Variants in NMRAL1 observed in about 807,000 individuals in gnomAD.
NMRAL1 encodes the protein NmrA like redox sensor 1, also known as nmrA-like family domain-containing protein 1.
NMRAL1 carries 32 observed loss-of-function variants against 27.5 expected under a neutral mutation model. The ratio of observed to expected loss-of-function variants is 1.16; its 90% CI spans 0.88 to 1.56. NMRAL1 has a LOEUF of 1.56. Ranked by LOEUF, NMRAL1 falls within the 40% of genes most tolerant of loss-of-function variation. The pLI is 0.00. For synonymous variants in NMRAL1, 166 were observed against 166.8 expected, an observed-to-expected ratio of 1.00 and a Z score of 0.04; for missense variants, 420 against 392.0, an observed-to-expected ratio of 1.07 and a Z score of -0.60.
chr16:4,473,895 C>T (rs947138099), intron 2 of NMRAL1, among the ~76,000 whole-genome samples, 198 bp downstream of exon 2: 2 of 151,848 alleles, frequency 1.3e-5, no homozygotes, highest in African/African-American at 4.8e-5. Context: ...CATCGCACTG[C>T]AGCCTGGGTG....
At chr16:4,463,973 G>A in intron 4 of NMRAL1, 123 bp from the exon 5 acceptor site, 2 of 680,122 alleles carry the variant, frequency 2.9e-6, no homozygotes, top group Non-Finnish European at 2.5e-6. Context: ...CAGCACTCGG[G>A]CATAGCTAAG....
intron 3 of NMRAL1, among the ~76,000 whole-genome samples, chr16:4,468,669 G>A (rs2057425087): frequency 6.6e-6 from 1 of 151,610 alleles, no homozygotes; most frequent in African/African-American, 2.4e-5. Flanking sequence ...GTCTTTGTCT[G>A]CTCTATATAA....
chr16:4,465,755 T>C (rs558359739), intron 4 of NMRAL1, among the ~76,000 whole-genome samples: 2 of 151,954 alleles, frequency 1.3e-5, no homozygotes, highest in Admixed American at 1.3e-4. Flanking sequence ...TTAGTAGAGA[T>C]GGGGTTTCAC....
chr16:4,469,727 T>C, intron 2 of NMRAL1: 1 of 583,038 alleles, frequency 1.7e-6, no homozygotes, highest in Non-Finnish European at 2.9e-6. Context: ...ATTAGCTGGG[T>C]GTGAAGGCAC....
chr16:4,470,581 A>C (rs993429816), intron 2 of NMRAL1, among the ~76,000 whole-genome samples: 2 of 152,172 alleles, frequency 1.3e-5, no homozygotes, highest in African/African-American at 4.8e-5. Context: ...TGGGAGGCTG[A>C]GACAGGTGGA....
At chr16:4,465,741 AT>A (rs2057297419) in intron 4 of NMRAL1, among the ~76,000 whole-genome samples, 2 of 151,658 alleles carry the variant, frequency 1.3e-5, no homozygotes, top group Non-Finnish European at 2.9e-5. Flanking sequence ...TAATTTTTGT[AT>A]TTTTAGTAGA....
rs532474811 is a variant in NMRAL1 at position 4,473,812 on chromosome 16, G to T, written c.40+281C>A. Among the ~76,000 whole-genome samples the T allele has an allele frequency of 3.3e-5, 5 of 152,152 alleles. No individual in the cohort carries two copies. In the East Asian group the frequency reaches 7.7e-4, roughly 24 times the overall value. On this transcript the variant is annotated intron_variant, in intron 2 of 5. Coordinates refer to ENST00000283429, the MANE Select transcript of NMRAL1 (RefSeq NM_020677.6). ...GTGGTGGCATGCCCTTGTAATCCCA[G>T]CTACTCGGGAGGCTGAGACAGGAGA...
intron 2 of NMRAL1, among the ~76,000 whole-genome samples, chr16:4,470,159 C>A (rs2141452373): frequency 1.2e-5 from 1 of 83,748 alleles, no homozygotes; most frequent in Non-Finnish European, 2.1e-5. Context: ...GAGATTCCCT[C>A]TCAAAAAAAA....
rs142221148 is a variant in NMRAL1 at position 4,474,095 on chromosome 16, G to A, written c.38C>T (p.Thr13Ile). 5.6e-6 allele frequency: 9 copies of A among 1,611,832 alleles called. No individual in the cohort carries two copies. The African/African-American group carries it at 1.1e-4, about 19-fold the overall frequency. ...DKKLVVVFGG[T>I]GAQGGSVART... Reference sequence around the variant, plus strand: ...CCCCAGTCTGGGGTTTGGCTCACCTGTGCCTCCGAAAACCACCACCAGTTT... The same window carrying A: ...CCCCAGTCTGGGGTTTGGCTCACCTATGCCTCCGAAAACCACCACCAGTTT... Residue 13 changes from threonine (T) to isoleucine (I), a missense_variant and splice_region_variant, in exon 2 of 6, where the codon ACA becomes ATA. Coordinates refer to ENST00000283429, the MANE Select transcript of NMRAL1 (RefSeq NM_020677.6).
chr16:4,476,273 A>C (rs1434576575), upstream of NMRAL1: 1 of 152,300 alleles, frequency 6.6e-6, no homozygotes, highest in African/African-American at 2.4e-5. Flanking sequence ...ACCTCCAGAG[A>C]CCTGGGGAAA....
chr16:4,471,153 C>A (rs149900182), intron 2 of NMRAL1, among the ~76,000 whole-genome samples: 1 of 152,166 alleles, frequency 6.6e-6, no homozygotes, highest in East Asian at 1.9e-4. Context: ...GATTTGAATT[C>A]TTCCTGAAGT....
rs1555491989 is a variant in NMRAL1 at position 4,469,277 on chromosome 16, T to C, written c.229A>G (p.Ile77Val). Residue 77 changes from isoleucine (I) to valine (V), a missense_variant, in exon 3 of 6, where the codon ATC (isoleucine) becomes GTC (valine). Coordinates refer to ENST00000283429, the MANE Select transcript of NMRAL1 (RefSeq NM_020677.6). ...LALNGAYATF[I>V]VTNYWESCSQ... is the part of the protein sequence containing the mutation. ...CAGCTCTCCCAGTAATTGGTCACGATGAAGGTGGCGTAAGCCCCATTCAGG... is the reference window on the plus strand; with the variant it reads ...CAGCTCTCCCAGTAATTGGTCACGACGAAGGTGGCGTAAGCCCCATTCAGG... The C allele has an allele frequency of 6.2e-7, 1 of 1,614,184 alleles. No individual in the cohort carries two copies. The highest frequency in any genetic ancestry group is 1.1e-5 in the South Asian group (1 of 91,092).
Position 4,461,827 on chromosome 16 carries a change from G to T in NMRAL1, c.853C>A (p.Leu285Met), listed in dbSNP as rs763400756. The part of the protein sequence containing the change: ...TLRLNPKALT[L>M]DQWLEQHKGD... ...TTGTGCTGTTCCAGCCACTGGTCCA[G>T]CGTCAGGGCCTTGGGGTTGAGTCTC... Residue 285 changes from leucine to methionine, a missense_variant, in exon 6 of 6, where the codon CTG becomes ATG. Leu to Met is a conservative substitution (Grantham distance 15, BLOSUM62 2). Coordinates refer to ENST00000283429, the MANE Select transcript of NMRAL1 (RefSeq NM_020677.6). 6.2e-7 allele frequency: 1 copy of T among 1,614,220 alleles called. No homozygotes were observed. Among genetic ancestry groups the T allele is most frequent in the Non-Finnish European group, 8.5e-7 (1 of 1,180,038 alleles).
At chr16:4,467,866 C>T (rs1052776035) in intron 3 of NMRAL1, among the ~76,000 whole-genome samples, 56 of 151,926 alleles carry the variant, frequency 3.7e-4, no homozygotes, top group African/African-American at 1.2e-3. Context: ...GTGATCTGCC[C>T]GCCTCGGCCT....
At chr16:4,474,841 T>C (rs2057770186), upstream of NMRAL1, 1 of 152,256 alleles carries the variant, frequency 6.6e-6, no homozygotes, top group Non-Finnish European at 1.5e-5. Context: ...AACATCTTAA[T>C]TTTCAGGTAT....
At chr16:4,472,683 G>A (rs2057614217) in intron 2 of NMRAL1, among the ~76,000 whole-genome samples, 1 of 151,084 alleles carries the variant, frequency 6.6e-6, no homozygotes, top group African/African-American at 2.4e-5. Context: ...GGCAGAAGTT[G>A]CAGTGAGCAG....
At chr16:4,475,357 T>TAA (rs1256310146), upstream of NMRAL1, among the ~76,000 whole-genome samples, 5,195 of 151,740 alleles carry the variant, frequency 0.034, 302 homozygotes, top group African/African-American at 0.12. Context: ...CAGGCTGGAG[T>TAA]GCAGTGGTGG....
Position 4,463,568 on chromosome 16 carries a change from C to T in NMRAL1, c.720+92G>A, listed in dbSNP as rs561541532. 1.5e-4 allele frequency: 156 copies of T among 1,062,742 alleles called. No individual in the cohort carries two copies. The African/African-American group carries it at 2.3e-3, about 15-fold the overall frequency. The allele number at this position is 1,062,742 out of a possible 1,614,324, so 65.8% of individuals were successfully genotyped here. ...GAACGAATGAATTTAGATGTACTGC[C>T]CAGAGGTGTGGGCAGCCCTGGACAC... On this transcript the variant is annotated intron_variant, in intron 5 of 5. Coordinates refer to ENST00000283429, the MANE Select transcript of NMRAL1 (RefSeq NM_020677.6).
intron 3 of NMRAL1, among the ~76,000 whole-genome samples, chr16:4,467,360 A>G (rs1193332189): frequency 1.3e-5 from 2 of 151,950 alleles, no homozygotes; most frequent in African/African-American, 2.4e-5. Context: ...CACCCTCCTG[A>G]GTCGCTGGGA....
Sources: allele counts gnomAD v4.1 joint callset (sites outside exome capture counted in the v4.1 genomes callset), GRCh38; gene constraint gnomAD v4.1.1; transcripts MANE v1.5; gene names NCBI Gene and HGNC (gene_info 2026-07-23, HGNC 2026-07-21).